TTLL11: variants seen among roughly 807,000 people sequenced by gnomAD.
TTLL11 encodes tubulin tyrosine ligase like 11.
TTLL11 carries 42 observed loss-of-function variants against 51.7 expected under a neutral mutation model. That is an observed-to-expected ratio of 0.81 (90% CI 0.64 to 1.05). The LOEUF is 1.05. TTLL11 is among the 50% of genes least tolerant of loss of function. The pLI is 0.00. For missense variants in TTLL11, 799 were observed against 940.4 expected (o/e 0.85, Z 1.97); for synonymous variants, 381 against 383.5 (o/e 0.99, Z 0.08).
intron 1 of TTLL11, among the ~76,000 whole-genome samples, chr9:122,049,287 T>C (rs74852772): frequency 6.6e-6 from 1 of 152,208 alleles, no homozygotes; most frequent in African/African-American, 2.4e-5. Flanking sequence ...AAAAGTGCTA[T>C]TAACCCGATG....
At chr9:121,966,814 G>C (rs538858741) in intron 6 of TTLL11, among the ~76,000 whole-genome samples, 1 of 152,260 alleles carries the variant, frequency 6.6e-6, no homozygotes, top group South Asian at 2.1e-4. Context: ...CTCCAGCATA[G>C]CTTCCCCATG....
chr9:121,952,567 T>G (rs755100230), intron 6 of TTLL11, among the ~76,000 whole-genome samples: 2 of 152,116 alleles, frequency 1.3e-5, no homozygotes, highest in African/African-American at 2.4e-5. Flanking sequence ...TTCCATACAC[T>G]TGATAGTTCT....
At chr9:122,073,707 C>A (rs1845788193) in intron 1 of TTLL11, among the ~76,000 whole-genome samples, 1 of 152,096 alleles carries the variant, frequency 6.6e-6, no homozygotes, top group Non-Finnish European at 1.5e-5. Flanking sequence ...CAGAAAGTAG[C>A]CAGAACCAGG....
chr9:121,932,191 C>T (rs1487950787), intron 6 of TTLL11, among the ~76,000 whole-genome samples: 1 of 148,824 alleles, frequency 6.7e-6, no homozygotes, highest in Non-Finnish European at 1.5e-5. Context: ...TTTGTCTCTG[C>T]CACATCCCAG....
At chr9:121,980,212 A>G (rs1842799193) in intron 4 of TTLL11, among the ~76,000 whole-genome samples, 1 of 152,032 alleles carries the variant, frequency 6.6e-6, no homozygotes. Flanking sequence ...TCACAGCAAA[A>G]TAAGTTTTTT....
intron 6 of TTLL11, among the ~76,000 whole-genome samples, chr9:121,919,805 A>G (rs907922909): frequency 6.9e-6 from 1 of 145,068 alleles, no homozygotes; most frequent in East Asian, 2.2e-4. Context: ...TGAGGCCAGG[A>G]GTTCAAAACC....
Position 121,988,626 on chromosome 9 carries a change from C to T in TTLL11, c.1269+569G>A, listed in dbSNP as rs141895235. Reference sequence around the variant, plus strand: ...TCAACTGCTATTTCTTCTGGGAAGCCTTCCCTGACCACGCCACTCCCGCCC... The same window carrying T: ...TCAACTGCTATTTCTTCTGGGAAGCTTTCCCTGACCACGCCACTCCCGCCC... On this transcript the variant is annotated intron_variant, in intron 4 of 8. Transcript: ENST00000321582. 1.9e-3 allele frequency among the ~76,000 whole-genome samples: 292 copies of T among 152,322 alleles called. 1 individual carries two copies. Among genetic ancestry groups the T allele is most frequent in the Non-Finnish European group, 3.4e-3 (232 of 68,032 alleles).
At chr9:122,059,968 T>C (rs527451515) in intron 1 of TTLL11, among the ~76,000 whole-genome samples, 3 of 152,288 alleles carry the variant, frequency 2.0e-5, no homozygotes, top group African/African-American at 4.8e-5. Context: ...GTGACCCCCA[T>C]AGGTAATTGA....
At chr9:121,919,160 C>A (rs10985449) in intron 6 of TTLL11, among the ~76,000 whole-genome samples, 43,482 of 152,062 alleles carry the variant, frequency 0.29, 7,737 homozygotes, top group Non-Finnish European at 0.41. Context: ...AGAAGCTAGG[C>A]TAAATGATGG....
intron 7 of TTLL11, among the ~76,000 whole-genome samples, chr9:121,863,340 G>T (rs941416832): frequency 2.1e-4 from 32 of 152,152 alleles, no homozygotes; most frequent in Admixed American, 5.9e-4. Context: ...CAGCCACAGT[G>T]TCCTTTAATT....
intron 8 of TTLL11, among the ~76,000 whole-genome samples, chr9:121,856,712 G>T (rs917103955): frequency 6.6e-6 from 1 of 152,118 alleles, no homozygotes; most frequent in African/African-American, 2.4e-5. Flanking sequence ...TTCTTCACAG[G>T]CTTCTTTCTT....
intron 1 of TTLL11, among the ~76,000 whole-genome samples, chr9:122,049,161 A>G (rs1444800842): frequency 6.6e-6 from 1 of 152,194 alleles, no homozygotes; most frequent in African/African-American, 2.4e-5. Context: ...AAGAGCAGCC[A>G]CTCAAATACA....
chr9:121,946,112 A>T (rs1841651852), intron 6 of TTLL11, among the ~76,000 whole-genome samples: 1 of 152,242 alleles, frequency 6.6e-6, no homozygotes, highest in African/African-American at 2.4e-5. Context: ...ACGGGCACTA[A>T]ATAAGTATTT....
chr9:121,886,449 A>G (rs1262245594), intron 6 of TTLL11, among the ~76,000 whole-genome samples: 2 of 152,280 alleles, frequency 1.3e-5, no homozygotes, highest in East Asian at 3.9e-4. Flanking sequence ...TACACAGAGG[A>G]GAAGGCCATG....
chr9:121,926,612 C>T (rs1401430585), intron 6 of TTLL11, among the ~76,000 whole-genome samples: 1 of 152,170 alleles, frequency 6.6e-6, no homozygotes, highest in East Asian at 1.9e-4. Flanking sequence ...AGTCTCGGAG[C>T]TGCTTAGGGG....
At position 121,870,296 on chromosome 9, in the gene TTLL11, T is replaced by C. The variant is rs191102109; in HGVS notation, c.1733+201A>G. Among the ~76,000 whole-genome samples, 16 of 152,260 alleles carry C rather than the reference T, an allele frequency of 1.1e-4. No individual in the cohort carries two copies. The East Asian group carries it at 3.1e-3, about 29-fold the overall frequency. On this transcript the variant is annotated intron_variant, in intron 7 of 8. Coordinates refer to ENST00000321582, the MANE Select transcript of TTLL11 (RefSeq NM_001139442.2). The stretch of plus-strand genomic sequence containing the variant: ...TCATGAACATAAGGTTGCAATGCGG[T>C]CACACCCATCATATTCATTAATTCA...
intron 3 of TTLL11, among the ~76,000 whole-genome samples, chr9:122,013,730 A>G (rs960287574): frequency 6.6e-6 from 1 of 152,174 alleles, no homozygotes. Flanking sequence ...AGCCCCACAG[A>G]GGCAGCCATA....
chr9:121,867,786 C>T (rs917551405), intron 7 of TTLL11, among the ~76,000 whole-genome samples: 4 of 152,018 alleles, frequency 2.6e-5, no homozygotes, highest in African/African-American at 4.8e-5. Flanking sequence ...CATGAGCTAC[C>T]GCCCTGTGAC....
intron 2 of TTLL11, among the ~76,000 whole-genome samples, chr9:122,036,421 T>C (rs1441896208): frequency 1.3e-5 from 2 of 151,028 alleles, no homozygotes; most frequent in Non-Finnish European, 2.9e-5. Flanking sequence ...AAATCTGATA[T>C]GTCTAATCTG....
Sources: gnomAD v4.1 joint callset for allele counts (sites outside exome capture counted in the v4.1 genomes callset) on GRCh38, gnomAD v4.1.1 for gene constraint, MANE v1.5 for transcripts, NCBI Gene and HGNC (gene_info 2026-07-23, HGNC 2026-07-21) for gene names.